Variants in DNAH5 observed in about 807,000 individuals in gnomAD.
DNAH5 encodes the protein axonemal beta dynein heavy chain 5.
In DNAH5, 372 loss-of-function variants were observed where a neutral mutation model predicts 518.2. That is an observed-to-expected ratio of 0.72 (90% CI 0.66 to 0.78). DNAH5 has a LOEUF of 0.78. DNAH5 is among the 30% of genes least tolerant of loss of function. The pLI is 0.00. For missense variants in DNAH5, 5,523 were observed against 5,687.0 expected, an observed-to-expected ratio of 0.97 and a Z score of 0.93; for synonymous variants, 2,039 against 2,025.9, an observed-to-expected ratio of 1.01 and a Z score of -0.17.
intron 32 of DNAH5, among the ~76,000 whole-genome samples, chr5:13,843,549 G>A (rs115167416): frequency 0.011 from 1,694 of 152,292 alleles, 21 homozygotes; most frequent in African/African-American, 0.038. Context: ...AATTTAAGAT[G>A]TGGTCACCTC....
intron 52 of DNAH5, among the ~76,000 whole-genome samples, chr5:13,782,070 G>C (rs1755243105): frequency 6.6e-6 from 1 of 152,126 alleles, no homozygotes; most frequent in African/African-American, 2.4e-5. Flanking sequence ...AATTCCCCTT[G>C]ATGTTCTTTA....
rs192939902 is a variant in DNAH5, at chr5:13,999,077, G to A, written c.12+12571C>T. Among the ~76,000 whole-genome samples, 11 of 152,286 alleles carry A rather than the reference G, an allele frequency of 7.2e-5. No individual in the cohort carries two copies. The East Asian group carries it at 1.5e-3, about 21-fold the overall frequency. Reference sequence around the variant, plus strand: ...AGTAGAGACGGGGTTTAGTAATGTTGGCCAGACTGGTCTCAAGCTCCTGAC... The same window carrying A: ...AGTAGAGACGGGGTTTAGTAATGTTAGCCAGACTGGTCTCAAGCTCCTGAC... On this transcript the variant is annotated intron_variant, in intron 1 of 78. Transcript: ENST00000681290.
At chr5:13,988,341 G>A (rs955836490) in intron 1 of DNAH5, among the ~76,000 whole-genome samples, 4 of 152,148 alleles carry the variant, frequency 2.6e-5, no homozygotes, top group Non-Finnish European at 5.9e-5. Context: ...GAGGAGGGCT[G>A]TGGCTCTGTT....
At chr5:13,997,215 A>C (rs1186622595) in intron 1 of DNAH5, among the ~76,000 whole-genome samples, 1 of 152,088 alleles carries the variant, frequency 6.6e-6, no homozygotes, top group Admixed American at 6.5e-5. Context: ...TTCCCTTTTG[A>C]TTATAAATTC....
At chr5:13,949,707 T>C (rs1264029525) in intron 1 of DNAH5, among the ~76,000 whole-genome samples, 1 of 152,226 alleles carries the variant, frequency 6.6e-6, no homozygotes, top group Non-Finnish European at 1.5e-5. Context: ...TTATCTTGCA[T>C]AGTGCCTTTC....
chr5:13,746,766 C>T (rs1418941774), intron 65 of DNAH5, among the ~76,000 whole-genome samples: 6 of 151,964 alleles, frequency 3.9e-5, no homozygotes, highest in African/African-American at 1.4e-4. Context: ...CAGGCTTGAT[C>T]CATTTTCTTT....
chr5:13,989,482 CT>C (rs34462296), intron 1 of DNAH5, among the ~76,000 whole-genome samples: 3,434 of 128,734 alleles, frequency 0.027, 20 homozygotes, highest in Non-Finnish European at 0.035. Context: ...TAGAGGGAGA[CT>C]TTTTTTTTTT....
At chr5:13,796,132 A>C (rs1405313248) in intron 47 of DNAH5, among the ~76,000 whole-genome samples, 1 of 152,206 alleles carries the variant, frequency 6.6e-6, no homozygotes, top group South Asian at 2.1e-4. Context: ...CCCTTTGAAA[A>C]CTGGCACAAG....
In DNAH5 at chr5:13,754,249, C is replaced by T; in HGVS notation, c.10509G>A (p.Trp3503Ter). The T allele has an allele frequency of 6.2e-7, 1 of 1,614,070 alleles. No individual in the cohort carries two copies. Among genetic ancestry groups the T allele is most frequent in the Non-Finnish European group, 8.5e-7 (1 of 1,179,984 alleles). Residue 3503 changes from tryptophan (W) to a stop codon, truncating the protein, a stop_gained, in exon 62 of 79, where the codon TGG becomes TGA. Coordinates refer to ENST00000265104, the MANE Select transcript of DNAH5 (RefSeq NM_001369.3). LOFTEE classifies it high-confidence loss of function. Reference sequence around the variant, plus strand: ...CAGCAAACTCTTGGCTTTGCTCTGTCCATCTTTCTTTTTCACCTGCCAAGC... The same window carrying T: ...CAGCAAACTCTTGGCTTTGCTCTGTTCATCTTTCTTTTTCACCTGCCAAGC... ...ISGLAGEKERWTEQSQEFAAQ... is the reference protein window; with the variant it reads ...ISGLAGEKER
At chr5:13,915,057 A>G (rs1334445718) in intron 9 of DNAH5, among the ~76,000 whole-genome samples, 20 of 152,130 alleles carry the variant, frequency 1.3e-4, no homozygotes, top group Admixed American at 1.2e-3. Context: ...TCAGCAATGG[A>G]AATGTCAAAA....
At chr5:13,714,648 C>G (rs1744051143) in intron 74 of DNAH5, 28 bp from the exon 75 acceptor site, 1 of 1,608,928 alleles carries the variant, frequency 6.2e-7, no homozygotes, top group African/African-American at 1.3e-5. Context: ...CAGATAAGCA[C>G]AGACTGCCAA....
intron 43 of DNAH5, among the ~76,000 whole-genome samples, chr5:13,814,107 T>C (rs759486808): frequency 1.3e-5 from 2 of 152,186 alleles, no homozygotes; most frequent in African/African-American, 2.4e-5. Context: ...TGATTATGAA[T>C]TGATGAGATG....
At position 13,967,462 on chromosome 5, in the gene DNAH5, C is replaced by T. The variant is rs1781600765; in HGVS notation, c.13-36218G>A. ...CTTCCCTGCTTTATGTATTTATTTG[C>T]TTTGTAGAAGATCAGCTGGCTGTAA... On this transcript the variant is annotated intron_variant, in intron 1 of 78. Transcript: ENST00000681290. Among the ~76,000 whole-genome samples, 3 of 152,108 alleles carry T rather than the reference C, an allele frequency of 2.0e-5. No homozygotes were observed. The South Asian group carries it at 6.2e-4, about 31-fold the overall frequency.
intron 15 of DNAH5, 21 bp downstream of exon 15, chr5:13,900,185 G>GA (rs374448685): frequency 3.8e-6 from 6 of 1,592,398 alleles, no homozygotes; most frequent in Non-Finnish European, 5.2e-6. Context: ...AGAATGGGGG[G>GA]AAAAAATAAA....
At chr5:13,866,694 T>C (rs1188983176) in intron 25 of DNAH5, among the ~76,000 whole-genome samples, 5 of 152,224 alleles carry the variant, frequency 3.3e-5, no homozygotes, top group African/African-American at 1.2e-4. Flanking sequence ...AATCAGATTT[T>C]CCAACATTAG....
chr5:13,919,362 C>A lies in DNAH5; in HGVS notation c.799-10G>T, dbSNP rs750556389. 40 of 1,612,878 alleles carry A rather than the reference C, an allele frequency of 2.5e-5. No homozygotes were observed. The highest frequency in any genetic ancestry group is 4.2e-6 in the Non-Finnish European group (5 of 1,179,640). ...TGTTTTCAGCAAGAACCTGCAAATG[C>A]GCGGGGAAAAACACGAGCCATTGCA... On this transcript the variant is annotated splice_polypyrimidine_tract_variant and intron_variant, in intron 6 of 78. Transcript: ENST00000265104.
At chr5:13,726,431 A>ATCG (rs1472227040) in intron 70 of DNAH5, among the ~76,000 whole-genome samples, 1 of 152,234 alleles carries the variant, frequency 6.6e-6, no homozygotes, top group Non-Finnish European at 1.5e-5. Flanking sequence ...AGCTAAAGGG[A>ATCG]TCGGATGAAG....
chr5:13,979,429 A>T (rs1298579924), intron 1 of DNAH5, among the ~76,000 whole-genome samples: 1 of 152,062 alleles, frequency 6.6e-6, no homozygotes, highest in African/African-American at 2.4e-5. Context: ...CAGCACATGG[A>T]TTTTTTAGTT....
At chr5:13,695,459 C>A (rs960877513) in intron 78 of DNAH5, among the ~76,000 whole-genome samples, 3 of 152,164 alleles carry the variant, frequency 2.0e-5, no homozygotes, top group Non-Finnish European at 4.4e-5. Context: ...TTGAGTTTAG[C>A]TGTCCTCATT....
Sources: gnomAD v4.1 joint callset for allele counts (sites outside exome capture counted in the v4.1 genomes callset) on GRCh38, gnomAD v4.1.1 for gene constraint, MANE v1.5 for transcripts, NCBI Gene and HGNC (gene_info 2026-07-23, HGNC 2026-07-21) for gene names.